The following ME3 variants were observed in gnomAD, a reference collection of about 807,000 sequenced individuals.
The protein encoded by ME3 is NADP-dependent malic enzyme, mitochondrial.
Under a neutral mutation model 68.9 loss-of-function variants are expected in ME3, and 48 were observed. The ratio of observed to expected loss-of-function variants is 0.70; its 90% CI spans 0.55 to 0.89. The LOEUF is 0.89. Among genes scored for constraint, ME3 ranks in the 40% least tolerant of loss-of-function variants. The pLI is 0.00. For synonymous variants in ME3, 320 were observed against 318.8 expected, an observed-to-expected ratio of 1.00 and a Z score of -0.04; for missense variants, 675 against 797.4, an observed-to-expected ratio of 0.85 and a Z score of 1.85.
intron 4 of ME3, among the ~76,000 whole-genome samples, chr11:86,525,717 C>T (rs545054555): frequency 8.6e-5 from 13 of 152,046 alleles, no homozygotes; most frequent in Non-Finnish European, 1.5e-4. Flanking sequence ...AAAAATTAGC[C>T]GTGTGTGGTG....
At chr11:86,569,533 T>C (rs1957675372) in intron 2 of ME3, among the ~76,000 whole-genome samples, 1 of 152,176 alleles carries the variant, frequency 6.6e-6, no homozygotes, top group Admixed American at 6.5e-5. Context: ...ATTTGATTTC[T>C]TGAGTTGTAA....
At chr11:86,561,443 G>A (rs1957228324) in intron 2 of ME3, among the ~76,000 whole-genome samples, 1 of 152,108 alleles carries the variant, frequency 6.6e-6, no homozygotes, top group Non-Finnish European at 1.5e-5. Context: ...ATATACATGT[G>A]TATATTAAGA....
rs763282991 is a variant in ME3 at position 86,447,093 on chromosome 11, G to A, written c.1352C>T (p.Thr451Met). The A allele has an allele frequency of 1.4e-5, 23 of 1,614,172 alleles. No individual in the cohort carries two copies. Among genetic ancestry groups the A allele is most frequent in the South Asian group, 3.3e-5 (3 of 91,066 alleles). ...GGTGACCCGGTAGCACTTCTCAGCC[G>A]TGCACTCGGCCTTGCTGGTGGGGTT... The change falls in exon 12 of 15, where the codon ACG becomes ATG. Residue 451 changes from threonine to methionine, a missense_variant. By Grantham distance (81) the Thr-to-Met change is moderately conservative. Coordinates refer to ENST00000543262, the Ensembl canonical transcript of ME3.
chr11:86,548,392 G>A (rs1485428549), intron 4 of ME3, among the ~76,000 whole-genome samples: 1 of 152,102 alleles, frequency 6.6e-6, no homozygotes, highest in Non-Finnish European at 1.5e-5. Context: ...CTTATGCTTT[G>A]GAAGGACTCC....
At chr11:86,585,736 GT>G (rs1237975664) in intron 2 of ME3, among the ~76,000 whole-genome samples, 1 of 152,174 alleles carries the variant, frequency 6.6e-6, no homozygotes, top group Non-Finnish European at 1.5e-5. Flanking sequence ...CGATAATGGG[GT>G]TGTATGTATT....
intron 6 of ME3, among the ~76,000 whole-genome samples, chr11:86,494,135 G>T (rs1952170641): frequency 6.6e-6 from 1 of 151,992 alleles, no homozygotes. Flanking sequence ...CCTAATGTTG[G>T]TCACTTTATA....
intron 2 of ME3, among the ~76,000 whole-genome samples, chr11:86,629,098 GT>G (rs1187296422): frequency 6.6e-6 from 1 of 152,196 alleles, no homozygotes; most frequent in African/African-American, 2.4e-5. Context: ...TGGTGATACA[GT>G]GAATTCAATG....
In ME3 at chr11:86,672,033, G is replaced by A. The variant is rs1946986159; in HGVS notation, c.-14-75C>T. 2.5e-6 allele frequency: 3 copies of A among 1,203,076 alleles called. No individual in the cohort carries two copies. In the African/African-American group the frequency reaches 4.8e-5, roughly 19 times the overall value. The allele number at this position is 1,203,076 out of a possible 1,614,324, so 74.5% of individuals were successfully genotyped here. A position where few individuals can be genotyped will look rare whatever the true frequency, so the allele number is the denominator to read the frequency against. On this transcript the variant is annotated intron_variant, in intron 1 of 14. Transcript: ENST00000543262. ...ACCCACGCGCGCTGCGGGGCACCGG[G>A]CCTGATCCGGGGACGCGCCCTCTGG...
At chr11:86,536,728 C>T (rs919919815) in intron 4 of ME3, among the ~76,000 whole-genome samples, 28 of 149,504 alleles carry the variant, frequency 1.9e-4, no homozygotes, top group African/African-American at 2.5e-4. Context: ...GTCAGTGTGG[C>T]GATTCCTCAG....
intron 4 of ME3, among the ~76,000 whole-genome samples, chr11:86,550,574 C>G (rs17149169): frequency 0.18 from 26,979 of 152,160 alleles, 3,013 homozygotes; most frequent in African/African-American, 0.32. Flanking sequence ...CTGAAAGTTT[C>G]GCAGCAGAGT....
At chr11:86,642,831 C>A (rs1164487004) in intron 2 of ME3, among the ~76,000 whole-genome samples, 1 of 152,060 alleles carries the variant, frequency 6.6e-6, no homozygotes, top group Non-Finnish European at 1.5e-5. Context: ...ATTTATTTTC[C>A]AATGTTTAAA....
intron 2 of ME3, among the ~76,000 whole-genome samples, chr11:86,596,910 C>T (rs182295149): frequency 1.3e-5 from 2 of 152,110 alleles, no homozygotes; most frequent in African/African-American, 2.4e-5. Flanking sequence ...TGGGCCAAAC[C>T]AAAGTGGACC....
At chr11:86,512,498 A>T (rs980808412) in intron 4 of ME3, among the ~76,000 whole-genome samples, 1 of 152,240 alleles carries the variant, frequency 6.6e-6, no homozygotes, top group African/African-American at 2.4e-5. Flanking sequence ...TAAATGGAAA[A>T]TGGATACATT....
intron 5 of ME3, among the ~76,000 whole-genome samples, chr11:86,499,171 A>G (rs1159021227): frequency 6.6e-6 from 1 of 152,106 alleles, no homozygotes; most frequent in African/African-American, 2.4e-5. Flanking sequence ...AAAGAAAGTT[A>G]AAATCCAGGG....
At chr11:86,657,426 C>T (rs1945968516) in intron 2 of ME3, among the ~76,000 whole-genome samples, 3 of 125,568 alleles carry the variant, frequency 2.4e-5, no homozygotes, top group Admixed American at 1.1e-4. Flanking sequence ...AATGAGAACA[C>T]ATGGACACAA....
intron 7 of ME3, among the ~76,000 whole-genome samples, chr11:86,474,282 A>G (rs1166436991): frequency 6.6e-6 from 1 of 152,212 alleles, no homozygotes; most frequent in Admixed American, 6.5e-5. Flanking sequence ...AAGTCCCAGG[A>G]TAATGTGGCC....
At chr11:86,560,748 G>GTGTATGTGTGTATATATATATATATA (rs1243025217) in intron 2 of ME3, among the ~76,000 whole-genome samples, 16 of 62,526 alleles carry the variant, frequency 2.6e-4, no homozygotes, top group East Asian at 6.7e-4. Context: ...GTGTGTGTGT[G>GTGTATGTGTGTATATATATATATATA]TATATATATA....
chr11:86,561,209 T>A (rs909106189), intron 2 of ME3, among the ~76,000 whole-genome samples: 2 of 152,168 alleles, frequency 1.3e-5, no homozygotes, highest in African/African-American at 4.8e-5. Context: ...GGGTTGGTTG[T>A]TTTTTTGTTT....
In ME3 at chr11:86,617,045, G is replaced by GTTTTTTTTTTTTTTTTTTTTTT. The variant is rs563738961; in HGVS notation, c.183+54695_183+54716dup. Among the ~76,000 whole-genome samples the GTTTTTTTTTTTTTTTTTTTTTT allele has an allele frequency of 8.9e-5, 5 of 56,322 alleles. 1 individual carries two copies. The highest frequency in any genetic ancestry group is 3.5e-4 in the Admixed American group (1 of 2,886). The allele number at this position is 56,322 out of a possible 152,430, so 36.9% of individuals were successfully genotyped here. ...ACATCTAAAATACTCCAAGATAGTA[G>GTTTTTTTTTTTTTTTTTTTTTT]TTTTTTTTTTTTTTTTTTTTTTTTT... On this transcript the variant is annotated intron_variant, in intron 2 of 14. Coordinates refer to ENST00000543262, the Ensembl canonical transcript of ME3.
Sources: allele counts gnomAD v4.1 joint callset (sites outside exome capture counted in the v4.1 genomes callset), GRCh38; gene constraint gnomAD v4.1.1; transcripts MANE v1.5; gene names NCBI Gene and HGNC (gene_info 2026-07-23, HGNC 2026-07-21).